Variants in PDILT observed in about 807,000 individuals in gnomAD.
The protein encoded by PDILT is protein disulfide isomerase like, testis expressed.
A neutral mutation model predicts 53.7 loss-of-function variants in PDILT; 43 were observed. The observed-to-expected ratio is 0.80, with a 90% CI of 0.63 to 1.03. PDILT has a LOEUF of 1.03. Ranked by LOEUF, PDILT falls within the 50% of genes least tolerant of loss-of-function variation. PDILT has a pLI of 0.00. For synonymous variants in PDILT, 282 were observed against 274.2 expected, an observed-to-expected ratio of 1.03 and a Z score of -0.28; for missense variants, 727 against 712.3, an observed-to-expected ratio of 1.02 and a Z score of -0.24.
chr16:20,379,685 C>A (rs964278403), intron 3 of PDILT, among the ~76,000 whole-genome samples: 2 of 152,138 alleles, frequency 1.3e-5, no homozygotes, highest in Admixed American at 6.5e-5. Flanking sequence ...GGGTGTATAG[C>A]CAGCAGGAGA....
intron 9 of PDILT, 71 bp downstream of exon 9, chr16:20,365,349 C>A: frequency 1.9e-6 from 3 of 1,566,572 alleles, no homozygotes; most frequent in South Asian, 2.3e-5. Flanking sequence ...CAGTGCCCAA[C>A]AATTCAGGAG....
chr16:20,399,043 C>A (rs1966695811), intron 2 of PDILT, 56 bp downstream of exon 2: 3 of 1,593,116 alleles, frequency 1.9e-6, no homozygotes, highest in African/African-American at 1.3e-5. Context: ...TCCCCACACA[C>A]AAGGAGGCAG....
At chr16:20,386,447 G>T (rs777938209) in intron 2 of PDILT, among the ~76,000 whole-genome samples, 7 of 152,172 alleles carry the variant, frequency 4.6e-5, no homozygotes, top group Non-Finnish European at 7.3e-5. Context: ...TGGAGAAAGT[G>T]CAAATGACCT....
intron 10 of PDILT, among the ~76,000 whole-genome samples, chr16:20,361,299 C>G (rs572194297): frequency 2.1e-4 from 31 of 149,790 alleles, no homozygotes; most frequent in African/African-American, 7.4e-4. Context: ...GATTCCCCTG[C>G]CTCAGTCTCC....
At chr16:20,388,004 A>C (rs1313095128) in intron 2 of PDILT, among the ~76,000 whole-genome samples, 3 of 152,080 alleles carry the variant, frequency 2.0e-5, no homozygotes, top group Non-Finnish European at 4.4e-5. Flanking sequence ...GGGCCAGGAG[A>C]GTGGTAATGG....
Position 20,362,388 on chromosome 16 carries a change from C to T in PDILT, c.1416+16G>A, listed in dbSNP as rs1282906458. On this transcript the variant is annotated intron_variant, in intron 10 of 11. Transcript: ENST00000302451. Reference sequence around the variant, plus strand: ...TAACATTGTTTTCAGCCATGTGCGTCCCAAGAGCCCCTCACTTGTTGAGAG... The same window carrying T: ...TAACATTGTTTTCAGCCATGTGCGTTCCAAGAGCCCCTCACTTGTTGAGAG... The T allele has an allele frequency of 6.2e-7, 1 of 1,612,844 alleles. No individual in the cohort carries two copies.
At chr16:20,376,829 C>T (rs566482895) in intron 3 of PDILT, among the ~76,000 whole-genome samples, 6 of 152,242 alleles carry the variant, frequency 3.9e-5, no homozygotes, top group Admixed American at 2.0e-4. Context: ...AATTAAGACA[C>T]ATATACTATA....
At chr16:20,374,304 G>A (rs1359163373) in intron 5 of PDILT, among the ~76,000 whole-genome samples, 12 of 152,058 alleles carry the variant, frequency 7.9e-5, no homozygotes, top group Admixed American at 7.9e-4. Context: ...GAGAGGTGAA[G>A]GAGAGGGAAG....
chr16:20,400,914 C>T (rs574279637), intron 1 of PDILT, among the ~76,000 whole-genome samples: 5 of 152,112 alleles, frequency 3.3e-5, no homozygotes, highest in African/African-American at 4.8e-5. Context: ...AGACAGTGTG[C>T]GAATTACCCT....
At chr16:20,401,730 C>G (rs1596602214) in intron 1 of PDILT, among the ~76,000 whole-genome samples, 1 of 152,208 alleles carries the variant, frequency 6.6e-6, no homozygotes, top group East Asian at 1.9e-4. Flanking sequence ...CAGAGCTGAA[C>G]CATGGGCCCA....
intron 11 of PDILT, among the ~76,000 whole-genome samples, 174 bp from the exon 12 acceptor site, chr16:20,359,741 G>A (rs531163281): frequency 3.9e-4 from 60 of 152,338 alleles, no homozygotes; most frequent in Non-Finnish European, 6.0e-4. Context: ...CTGAAGATCC[G>A]TTTGGTTTCA....
Position 20,369,606 on chromosome 16 carries a change from T to C in PDILT, c.1002A>G (p.Pro334=), listed in dbSNP as rs1966272214. The part of the protein sequence containing the change: ...KYFRVTEVDI[P]SVQILNLSSD... ...AGCTCAAGTTTAGGATTTGGACGGATGGGATATCGACCTCTGTGACCCGGA... is the reference window on the plus strand; with the variant it reads ...AGCTCAAGTTTAGGATTTGGACGGACGGGATATCGACCTCTGTGACCCGGA... Residue 334 remains proline (P), a synonymous_variant, in exon 8 of 12, where the codon CCA becomes CCG. Transcript: ENST00000302451. The C allele has an allele frequency of 6.2e-7, 1 of 1,614,222 alleles. No homozygotes were observed. The highest frequency in any genetic ancestry group is 1.7e-5 in the Admixed American group (1 of 60,024).
Position 20,395,975 on chromosome 16 carries a change from G to T in PDILT, c.202+3124C>A, listed in dbSNP as rs571151493. 6.0e-4 allele frequency among the ~76,000 whole-genome samples: 91 copies of T among 152,268 alleles called. 2 individuals carry two copies. Among genetic ancestry groups the T allele is most frequent in the African/African-American group, 2.0e-3 (85 of 41,548 alleles). ...TTGTTTATAAATTACCCAGCCTCAGGTATTCCTTTGTAGCAACACAAACAG... is the reference window on the plus strand; with the variant it reads ...TTGTTTATAAATTACCCAGCCTCAGTTATTCCTTTGTAGCAACACAAACAG... On this transcript the variant is annotated intron_variant, in intron 2 of 11. Transcript: ENST00000302451.
At chr16:20,397,856 G>A (rs1440541710) in intron 2 of PDILT, among the ~76,000 whole-genome samples, 3 of 152,192 alleles carry the variant, frequency 2.0e-5, no homozygotes, top group African/African-American at 2.4e-5. Context: ...GCACGTCCTG[G>A]AAGCAGGCCT....
At position 20,399,323 on chromosome 16, in the gene PDILT, A is replaced by C. The variant is rs1243467974; in HGVS notation, c.-7-16T>G. The C allele has an allele frequency of 6.2e-7, 1 of 1,612,376 alleles. No homozygotes were observed. The highest frequency in any genetic ancestry group is 8.5e-7 in the Non-Finnish European group (1 of 1,179,608). On this transcript the variant is annotated splice_polypyrimidine_tract_variant and intron_variant, in intron 1 of 11. Transcript: ENST00000302451. ...CATGGCTGTCCTGCAGGGGCCGGAGAAGGAACAGAGACCTTATCAACACAG... is the reference window on the plus strand; with the variant it reads ...CATGGCTGTCCTGCAGGGGCCGGAGCAGGAACAGAGACCTTATCAACACAG...
chr16:20,360,548 G>A lies in PDILT; in HGVS notation c.1506+20C>T, dbSNP rs770921236. 1.3e-6 allele frequency: 2 copies of A among 1,583,128 alleles called. No individual in the cohort carries two copies. The highest frequency in any genetic ancestry group is 3.3e-5 in the Admixed American group (2 of 59,982). On this transcript the variant is annotated intron_variant, in intron 11 of 11. Coordinates refer to ENST00000302451, the MANE Select transcript of PDILT (RefSeq NM_174924.2). ...TCTGTGTGGGACAGAATAATTCAGA[G>A]TATTTCTGTTGCCCCTTACCTCATC...
chr16:20,387,254 G>A (rs190630989), intron 2 of PDILT, among the ~76,000 whole-genome samples: 91 of 152,324 alleles, frequency 6.0e-4, no homozygotes, highest in African/African-American at 2.1e-3. Context: ...CTTTGGAAAA[G>A]AACAGGAGAG....
At chr16:20,386,750 C>A (rs1485820798) in intron 2 of PDILT, among the ~76,000 whole-genome samples, 1 of 152,274 alleles carries the variant, frequency 6.6e-6, no homozygotes, top group African/African-American at 2.4e-5. Context: ...CATGCACTGG[C>A]CAATTGCTGG....
At chr16:20,369,836 C>G (rs569843992) in intron 7 of PDILT, 147 bp from the exon 8 acceptor site, 1 of 765,340 alleles carries the variant, frequency 1.3e-6, no homozygotes. Flanking sequence ...AGCTCTGCAC[C>G]GAAATGCATG....
Sources: allele counts gnomAD v4.1 joint callset (sites outside exome capture counted in the v4.1 genomes callset), GRCh38; gene constraint gnomAD v4.1.1; transcripts MANE v1.5; gene names NCBI Gene and HGNC (gene_info 2026-07-23, HGNC 2026-07-21).